CNTNAP2: variants seen among roughly 807,000 people sequenced by gnomAD.
CNTNAP2 encodes the protein contactin-associated protein-like 2.
Under a neutral mutation model 155.2 loss-of-function variants are expected in CNTNAP2, and 98 were observed. The observed-to-expected ratio is 0.63, with a 90% CI of 0.54 to 0.75. The LOEUF (loss-of-function observed/expected upper bound fraction) is 0.75, where lower values mean the gene tolerates loss of function less well. Ranked by LOEUF, CNTNAP2 falls within the 30% of genes least tolerant of loss-of-function variation. The probability of loss-of-function intolerance (pLI) is 0.00; values close to 1 mark genes in which losing one functional copy is unlikely to be tolerated. For missense variants in CNTNAP2, 1,727 were observed against 1,688.1 expected, an observed-to-expected ratio of 1.02 and a Z score of -0.40; for synonymous variants, 651 against 631.2, an observed-to-expected ratio of 1.03 and a Z score of -0.47.
intron 16 of CNTNAP2, among the ~76,000 whole-genome samples, chr7:148,119,167 C>T (rs1365905499): frequency 6.6e-6 from 1 of 152,056 alleles, no homozygotes; most frequent in Non-Finnish European, 1.5e-5. Flanking sequence ...ACCACAAGGA[C>T]GAGGCCAGGC....
intron 11 of CNTNAP2, among the ~76,000 whole-genome samples, chr7:147,561,108 A>ATC (rs1398483370): frequency 1.3e-5 from 2 of 152,196 alleles, no homozygotes; most frequent in South Asian, 4.2e-4. Flanking sequence ...TCCTCAGTGA[A>ATC]AGCTCTCTAA....
At chr7:147,895,249 C>A (rs908012576) in intron 13 of CNTNAP2, among the ~76,000 whole-genome samples, 1 of 152,054 alleles carries the variant, frequency 6.6e-6, no homozygotes, top group African/African-American at 2.4e-5. Context: ...GTTGGGACTA[C>A]AGGCGTGAGC....
chr7:147,995,305 G>A (rs28554472), intron 15 of CNTNAP2, among the ~76,000 whole-genome samples: 10,131 of 152,164 alleles, frequency 0.067, 746 homozygotes, highest in African/African-American at 0.19. Context: ...ATCTAACTTG[G>A]TGGGCCAGCC....
chr7:146,299,555 G>GTTATT lies in CNTNAP2; in HGVS notation c.97+182605_97+182609dup, dbSNP rs577956832. On this transcript the variant is annotated intron_variant, in intron 1 of 23. Coordinates refer to ENST00000361727, the MANE Select transcript of CNTNAP2 (RefSeq NM_014141.6). ...GGGCCACCATGCAGCTAATTTTTTA[G>GTTATT]TTATTTTATTTTATTTTATTTTATT... 7.0e-4 allele frequency among the ~76,000 whole-genome samples: 106 copies of GTTATT among 152,048 alleles called. 1 individual carries two copies. The highest frequency in any genetic ancestry group is 2.7e-3 in the South Asian group (13 of 4,816).
chr7:147,541,335 C>T (rs1176580321), intron 11 of CNTNAP2, among the ~76,000 whole-genome samples: 1 of 152,172 alleles, frequency 6.6e-6, no homozygotes, highest in Admixed American at 6.5e-5. Context: ...TCACTTTCCT[C>T]CTTTGAAAAT....
chr7:147,016,659 A>G (rs1467440492), intron 3 of CNTNAP2, among the ~76,000 whole-genome samples: 1 of 152,098 alleles, frequency 6.6e-6, no homozygotes, highest in Non-Finnish European at 1.5e-5. Flanking sequence ...TTTGAATTAT[A>G]TTTAAGGCAT....
At chr7:147,155,421 T>C (rs941475828) in intron 8 of CNTNAP2, among the ~76,000 whole-genome samples, 4 of 152,124 alleles carry the variant, frequency 2.6e-5, no homozygotes, top group Admixed American at 2.6e-4. Context: ...GCAGGTAGCA[T>C]AGTTACTGAA....
intron 20 of CNTNAP2, among the ~76,000 whole-genome samples, chr7:148,256,476 C>G (rs1796455360): frequency 6.6e-6 from 1 of 152,136 alleles, no homozygotes; most frequent in African/African-American, 2.4e-5. Flanking sequence ...CATCTCCTGG[C>G]CCCATTCTCA....
chr7:147,125,301 C>T (rs908187877), intron 6 of CNTNAP2, among the ~76,000 whole-genome samples: 3 of 152,110 alleles, frequency 2.0e-5, no homozygotes, highest in Admixed American at 6.6e-5. Flanking sequence ...AGACATAAGT[C>T]ACCGCTCCCG....
intron 22 of CNTNAP2, among the ~76,000 whole-genome samples, chr7:148,393,433 T>C (rs537123671): frequency 4.0e-4 from 61 of 152,200 alleles, no homozygotes; most frequent in Non-Finnish European, 7.8e-4. Flanking sequence ...CAAATTCCAC[T>C]TTTCCTGCAA....
At chr7:146,728,093 C>T in intron 1 of CNTNAP2, among the ~76,000 whole-genome samples, 1 of 152,242 alleles carries the variant, frequency 6.6e-6, no homozygotes, top group Admixed American at 6.5e-5. Context: ...AGGCGGGCAC[C>T]CAACCGAACC....
At chr7:147,210,597 T>A (rs1406381684) in intron 8 of CNTNAP2, among the ~76,000 whole-genome samples, 2 of 151,914 alleles carry the variant, frequency 1.3e-5, no homozygotes, top group Non-Finnish European at 2.9e-5. Context: ...TTTGTTCAGT[T>A]CTCAGATTTT....
chr7:147,774,790 G>A (rs1176737486), intron 13 of CNTNAP2, among the ~76,000 whole-genome samples: 2 of 152,148 alleles, frequency 1.3e-5, no homozygotes, highest in Non-Finnish European at 2.9e-5. Flanking sequence ...CCAGGTTGTG[G>A]TATCTTGTTA....
intron 15 of CNTNAP2, among the ~76,000 whole-genome samples, chr7:148,020,863 T>C (rs1303658988): frequency 6.6e-6 from 1 of 152,168 alleles, no homozygotes; most frequent in African/African-American, 2.4e-5. Flanking sequence ...CTACCGTAAT[T>C]AAAGAAAAGC....
intron 1 of CNTNAP2, among the ~76,000 whole-genome samples, chr7:146,645,034 A>G (rs1799787164): frequency 6.6e-6 from 1 of 152,208 alleles, no homozygotes; most frequent in Non-Finnish European, 1.5e-5. Flanking sequence ...ACCAAAAAAG[A>G]GAATTTTAGA....
At chr7:147,857,839 A>G (rs577250160) in intron 13 of CNTNAP2, among the ~76,000 whole-genome samples, 108 of 152,354 alleles carry the variant, frequency 7.1e-4, no homozygotes, top group African/African-American at 2.4e-3. Flanking sequence ...ATTACATTCA[A>G]GCAACAGTGA....
chr7:147,105,137 TAAAC>T (rs1437701479), intron 4 of CNTNAP2, among the ~76,000 whole-genome samples: 1 of 151,422 alleles, frequency 6.6e-6, no homozygotes, highest in Non-Finnish European at 1.5e-5. Context: ...AAATATCAAA[TAAAC>T]TTAAAATTTT....
chr7:148,110,812 C>T (rs979369838), intron 15 of CNTNAP2, among the ~76,000 whole-genome samples: 4 of 152,142 alleles, frequency 2.6e-5, no homozygotes, highest in Non-Finnish European at 4.4e-5. Flanking sequence ...GGTTCACACT[C>T]CAGACACCAG....
chr7:147,287,998 A>G (rs903938679), intron 8 of CNTNAP2, among the ~76,000 whole-genome samples: 1 of 151,618 alleles, frequency 6.6e-6, no homozygotes, highest in African/African-American at 2.4e-5. Context: ...TTACCTATAT[A>G]TTTTCTCTTA....
Sources: allele counts gnomAD v4.1 joint callset (sites outside exome capture counted in the v4.1 genomes callset), GRCh38; gene constraint gnomAD v4.1.1; transcripts MANE v1.5; gene names NCBI Gene and HGNC (gene_info 2026-07-23, HGNC 2026-07-21).